ATAD1: variants seen among roughly 807,000 people sequenced by gnomAD.
ATAD1 encodes the protein ATPase family AAA domain containing 1, also known as outer mitochondrial transmembrane helix translocase.
Under a neutral mutation model 42.7 loss-of-function variants are expected in ATAD1, and 18 were observed. That is an observed-to-expected ratio of 0.42 (90% CI 0.29 to 0.63). The LOEUF (loss-of-function observed/expected upper bound fraction) is 0.63. Ranked by LOEUF, ATAD1 falls within the 20% of genes least tolerant of loss-of-function variation. The pLI is 0.19. For synonymous variants in ATAD1, 132 were observed against 143.1 expected (o/e 0.92, Z 0.55); for missense variants, 294 against 440.4 (o/e 0.67, Z 2.98).
rs758955692 is a variant in ATAD1, at chr10:87,754,758, C to G, written c.1015G>C (p.Ala339Pro). 1 of 1,613,524 alleles carries G rather than the reference C, an allele frequency of 6.2e-7. No homozygotes were observed. Among genetic ancestry groups the G allele is most frequent in the Non-Finnish European group, 8.5e-7 (1 of 1,179,744 alleles). ...RPVQQQDLHR[A>P]IEKMKKSKDA... is the part of the protein sequence containing the mutation. ...TTTGATTTCTTCATCTTTTCAATTG[C>G]CCGATGCAGGTCCTGCTGTTGAACA... Residue 339 changes from alanine to proline, a missense_variant, in exon 10 of 10, where the codon GCA (alanine) becomes CCA (proline). Transcript: ENST00000680024.
At chr10:87,779,503 C>A (rs1468639700) in intron 5 of ATAD1, among the ~76,000 whole-genome samples, 1 of 152,076 alleles carries the variant, frequency 6.6e-6, no homozygotes, top group Non-Finnish European at 1.5e-5. Flanking sequence ...TTGTTCCCAA[C>A]ACAAATAAAT....
At position 87,752,363 on chromosome 10, in the gene ATAD1, T is replaced by C. The variant is rs139461117; in HGVS notation, c.*2324A>G. ...GAGAATGCTTAAAGAATGAGCCTGG[T>C]CAACAGGAAATGTACATCAGTGTGC... On this transcript the variant is annotated 3_prime_UTR_variant, in exon 10 of 10. Coordinates refer to ENST00000680024, the MANE Select transcript of ATAD1 (RefSeq NM_001321967.2). 6.6e-6 allele frequency: 1 copy of C among 152,306 alleles called. No homozygotes were observed. Among genetic ancestry groups the C allele is most frequent in the East Asian group, 1.9e-4 (1 of 5,188 alleles). The allele number at this position is 152,306 out of a possible 1,614,324, so 9.4% of individuals were successfully genotyped here.
In ATAD1 at chr10:87,784,804, TA is replaced by T. The variant is rs373588774; in HGVS notation, c.383-135del. On this transcript the variant is annotated intron_variant, in intron 4 of 9. Transcript: ENST00000680024. ...TTCTGCTTTTATTTAATCTTGTTTA[TA>T]GTAGGTAAGATAGAAGAAAGGAAGA... 77 of 792,754 alleles carry T rather than the reference TA, an allele frequency of 9.7e-5. No homozygotes were observed. In the African/African-American group the frequency reaches 1.1e-3, roughly 12 times the overall value. 49.1% of individuals were successfully genotyped at this position (792,754 alleles called of 1,614,324 possible).
At chr10:87,832,111 T>G (rs1857842356) in intron 1 of ATAD1, 1 of 143,464 alleles carries the variant, frequency 7.0e-6, no homozygotes, top group South Asian at 2.3e-4. Context: ...TCTTGCTCTC[T>G]CACCCAGGCT....
intron 2 of ATAD1, among the ~76,000 whole-genome samples, chr10:87,809,506 C>T (rs115906868): frequency 0.017 from 2,583 of 149,056 alleles, 67 homozygotes; most frequent in African/African-American, 0.061. Flanking sequence ...GCAGGAGAGA[C>T]GGGCACACTC....
At chr10:87,794,922 A>G (rs1266965359) in intron 2 of ATAD1, among the ~76,000 whole-genome samples, 1 of 152,158 alleles carries the variant, frequency 6.6e-6, no homozygotes, top group Non-Finnish European at 1.5e-5. Flanking sequence ...CACTTTAACA[A>G]TCTCTTCAGA....
In ATAD1 at chr10:87,767,662, T is replaced by A; in HGVS notation, c.831+11A>T. The A allele has an allele frequency of 4.4e-6, 7 of 1,606,548 alleles. No homozygotes were observed. Among genetic ancestry groups the A allele is most frequent in the Non-Finnish European group, 6.0e-6 (7 of 1,176,020 alleles). On this transcript the variant is annotated intron_variant, in intron 8 of 9. Transcript: ENST00000680024. ...TATAGGACGGGGAAAAAATTTTTAT[T>A]TTCTACTTACATTTTCATTTTTCAA...
chr10:87,823,647 C>T (rs1484808443), intron 1 of ATAD1, among the ~76,000 whole-genome samples: 1 of 152,154 alleles, frequency 6.6e-6, no homozygotes, highest in South Asian at 2.1e-4. Flanking sequence ...AATGTTAATT[C>T]TCAATTCCTG....
intron 8 of ATAD1, chr10:87,759,866 G>A (rs971308924): frequency 7.7e-6 from 3 of 389,582 alleles, no homozygotes; most frequent in African/African-American, 4.2e-5. Context: ...AAAATGCTTG[G>A]CACATAGCAA....
At chr10:87,814,671 A>T in intron 1 of ATAD1, 59 bp from the exon 2 acceptor site, 1 of 1,278,786 alleles carries the variant, frequency 7.8e-7, no homozygotes, top group Non-Finnish European at 1.0e-6. Context: ...AAATTGTAAG[A>T]CTAACAAAGT....
intron 3 of ATAD1, 35 bp downstream of exon 3, chr10:87,792,622 C>CGAAAAAAAAAA: frequency 7.4e-7 from 1 of 1,355,216 alleles, no homozygotes; most frequent in Non-Finnish European, 1.1e-6. Context: ...ACCCCCACCT[C>CGAAAAAAAAAA]TAAAAAAATC....
At chr10:87,838,767 G>C (rs1338634160) in intron 1 of ATAD1, among the ~76,000 whole-genome samples, 1 of 151,848 alleles carries the variant, frequency 6.6e-6, no homozygotes, top group Non-Finnish European at 1.5e-5. Flanking sequence ...TCTCCTTTTT[G>C]TGAGGACATA....
intron 4 of ATAD1, among the ~76,000 whole-genome samples, chr10:87,787,752 C>T (rs1855906348): frequency 6.6e-6 from 1 of 151,992 alleles, no homozygotes; most frequent in South Asian, 2.1e-4. Context: ...TAAAATTTGT[C>T]CAAATGGTGC....
At chr10:87,800,952 T>C (rs1187165552) in intron 2 of ATAD1, among the ~76,000 whole-genome samples, 1 of 152,184 alleles carries the variant, frequency 6.6e-6, no homozygotes, top group Non-Finnish European at 1.5e-5. Flanking sequence ...ATCATTCATA[T>C]CAAAGGCACA....
chr10:87,800,601 G>C (rs1856646748), intron 2 of ATAD1, among the ~76,000 whole-genome samples: 2 of 151,878 alleles, frequency 1.3e-5, no homozygotes, highest in Non-Finnish European at 2.9e-5. Context: ...GGGGAAAAAA[G>C]CTGAAATTAA....
At chr10:87,767,541 C>T in intron 8 of ATAD1, 132 bp downstream of exon 8, 2 of 836,528 alleles carry the variant, frequency 2.4e-6, no homozygotes, top group South Asian at 3.0e-5. Context: ...TAGACCAGTA[C>T]CAGTCTGTGG....
At chr10:87,762,877 T>C (rs1017192999) in intron 8 of ATAD1, among the ~76,000 whole-genome samples, 46 of 143,678 alleles carry the variant, frequency 3.2e-4, no homozygotes, top group Admixed American at 2.0e-3. Flanking sequence ...GAGACCAGCC[T>C]GATCAACATG....
intron 8 of ATAD1, among the ~76,000 whole-genome samples, chr10:87,758,928 G>A (rs11202543): frequency 0.021 from 3,174 of 152,124 alleles, 103 homozygotes; most frequent in African/African-American, 0.07. Context: ...TCTTAGGACC[G>A]GTGACAGCAC....
chr10:87,814,697 A>C, intron 1 of ATAD1, 85 bp from the exon 2 acceptor site: 1 of 1,045,102 alleles, frequency 9.6e-7, no homozygotes, highest in Non-Finnish European at 1.2e-6. Flanking sequence ...AAACTAAGAA[A>C]GAAAAACTAA....
Sources: allele counts gnomAD v4.1 joint callset (sites outside exome capture counted in the v4.1 genomes callset), GRCh38; gene constraint gnomAD v4.1.1; transcripts MANE v1.5; gene names NCBI Gene and HGNC (gene_info 2026-07-23, HGNC 2026-07-21).